The following GREB1L variants were observed in gnomAD, a reference collection of about 807,000 sequenced individuals.
GREB1L encodes the protein GREB1 like retinoic acid receptor coactivator.
In GREB1L, 17 loss-of-function variants were observed where a neutral mutation model predicts 200.8. The ratio of observed to expected loss-of-function variants is 0.08; its 90% CI spans 0.06 to 0.13. GREB1L has a LOEUF of 0.13. Among genes scored for constraint, GREB1L ranks in the 10% least tolerant of loss-of-function variants. The pLI is 1.00. For missense variants in GREB1L, 1,657 were observed against 2,367.7 expected, an observed-to-expected ratio of 0.70 and a Z score of 6.23; for synonymous variants, 789 against 893.0, an observed-to-expected ratio of 0.88 and a Z score of 2.08.
At chr18:21,426,969 A>AAC (rs1555644907) in intron 7 of GREB1L, among the ~76,000 whole-genome samples, 27 of 81,164 alleles carry the variant, frequency 3.3e-4, no homozygotes, top group African/African-American at 1.9e-3. Context: ...AAAAAAAAAA[A>AAC]AAACAAAAAA....
intron 25 of GREB1L, among the ~76,000 whole-genome samples, chr18:21,507,094 C>T (rs555864346): frequency 6.6e-6 from 1 of 152,214 alleles, no homozygotes; most frequent in East Asian, 1.9e-4. Flanking sequence ...ATCATTCTGC[C>T]CTTCTAATAC....
At chr18:21,517,369 C>CT (rs1204046981) in intron 30 of GREB1L, among the ~76,000 whole-genome samples, 1 of 151,916 alleles carries the variant, frequency 6.6e-6, no homozygotes, top group African/African-American at 2.4e-5. Context: ...TTTTTACCTT[C>CT]TTTTTTTGAG....
chr18:21,312,396 C>T (rs1033044523), intron 1 of GREB1L, among the ~76,000 whole-genome samples: 3 of 152,122 alleles, frequency 2.0e-5, no homozygotes, highest in African/African-American at 7.2e-5. Flanking sequence ...TTTCAGGAAT[C>T]GCCACACTGC....
At chr18:21,391,693 T>C (rs1000093141) in intron 4 of GREB1L, among the ~76,000 whole-genome samples, 3 of 152,224 alleles carry the variant, frequency 2.0e-5, no homozygotes, top group South Asian at 2.1e-4. Context: ...AAATGTCTCT[T>C]ATAATAGTGT....
rs769938231 is a variant in GREB1L, at chr18:21,259,744, G to A, written c.-120+17351G>A. Among the ~76,000 whole-genome samples the A allele has an allele frequency of 5.9e-5, 9 of 152,066 alleles. No homozygotes were observed. The Middle Eastern group carries it at 0.024, about 402-fold the overall frequency. On this transcript the variant is annotated intron_variant, in intron 1 of 32. Transcript: ENST00000424526. ...TTAACTTGTTCATGAGGCATCGAACGTATTATAAAATTTGAAATGGTATTG... is the reference window on the plus strand; with the variant it reads ...TTAACTTGTTCATGAGGCATCGAACATATTATAAAATTTGAAATGGTATTG...
chr18:21,243,596 T>C (rs2037544976), intron 1 of GREB1L, among the ~76,000 whole-genome samples: 1 of 152,186 alleles, frequency 6.6e-6, no homozygotes, highest in Admixed American at 6.5e-5. Flanking sequence ...TTGAACTCAG[T>C]CCCCCTTAAT....
chr18:21,281,370 T>G (rs1215867396), intron 1 of GREB1L, among the ~76,000 whole-genome samples: 2 of 152,334 alleles, frequency 1.3e-5, no homozygotes, highest in East Asian at 1.9e-4. Context: ...TTGTTGCTGT[T>G]TCATTTACTT....
At chr18:21,440,197 G>A (rs2033818562) in intron 8 of GREB1L, 72 bp from the exon 9 acceptor site, 3 of 1,446,244 alleles carry the variant, frequency 2.1e-6, no homozygotes, top group Admixed American at 2.0e-5. Context: ...TATTACTCTG[G>A]CGTTCTTTCC....
chr18:21,250,443 GC>G (rs2037684649), intron 1 of GREB1L, among the ~76,000 whole-genome samples: 1 of 152,138 alleles, frequency 6.6e-6, no homozygotes, highest in African/African-American at 2.4e-5. Context: ...AAAATGTTCT[GC>G]CATAGTCTGA....
intron 7 of GREB1L, among the ~76,000 whole-genome samples, chr18:21,432,934 T>C (rs1220261777): frequency 6.6e-6 from 1 of 152,058 alleles, no homozygotes; most frequent in Admixed American, 6.5e-5. Flanking sequence ...CTTGAACTCC[T>C]GACCTCAGGT....
At chr18:21,428,332 C>CTTTTTTTTTTTT (rs59982674) in intron 7 of GREB1L, among the ~76,000 whole-genome samples, 68 of 54,038 alleles carry the variant, frequency 1.3e-3, no homozygotes, top group Non-Finnish European at 1.8e-3. Context: ...GTCTTTTTGT[C>CTTTTTTTTTTTT]TTTTTTTTTT....
intron 1 of GREB1L, among the ~76,000 whole-genome samples, chr18:21,321,666 C>T (rs961381390): frequency 4.0e-5 from 6 of 151,832 alleles, no homozygotes; most frequent in South Asian, 2.1e-4. Context: ...CAAGCCTGGG[C>T]GACACAGTGA....
At chr18:21,324,552 C>T (rs1409536575) in intron 1 of GREB1L, among the ~76,000 whole-genome samples, 4 of 152,184 alleles carry the variant, frequency 2.6e-5, no homozygotes, top group Non-Finnish European at 5.9e-5. Flanking sequence ...TGGCTAATGC[C>T]TGTAATCCCA....
At chr18:21,319,540 A>G (rs1042147546) in intron 1 of GREB1L, among the ~76,000 whole-genome samples, 6 of 152,240 alleles carry the variant, frequency 3.9e-5, no homozygotes, top group African/African-American at 1.2e-4. Flanking sequence ...AGAATTTCCA[A>G]TTTTAGTTAC....
intron 17 of GREB1L, among the ~76,000 whole-genome samples, chr18:21,480,880 C>T (rs1361507040): frequency 2.6e-5 from 4 of 151,660 alleles, no homozygotes; most frequent in South Asian, 4.2e-4. Context: ...ATTAGCCAGG[C>T]GTGGTGGCGG....
chr18:21,428,832 C>T (rs2032881479), intron 7 of GREB1L, among the ~76,000 whole-genome samples: 1 of 150,250 alleles, frequency 6.7e-6, no homozygotes, highest in Non-Finnish European at 1.5e-5. Flanking sequence ...GTTCTTCTGC[C>T]TCAGCCTCCC....
chr18:21,374,808 A>G (rs1360970109), intron 2 of GREB1L, among the ~76,000 whole-genome samples: 2 of 151,606 alleles, frequency 1.3e-5, no homozygotes, highest in African/African-American at 4.8e-5. Context: ...GTACTTGAAA[A>G]TATATTTATA....
At chr18:21,274,372 C>T (rs2038127645) in intron 1 of GREB1L, among the ~76,000 whole-genome samples, 1 of 151,822 alleles carries the variant, frequency 6.6e-6, no homozygotes, top group South Asian at 2.1e-4. Context: ...ATAGCAAATA[C>T]CAAGTATATA....
chr18:21,444,495 C>A, intron 11 of GREB1L, 86 bp downstream of exon 11: 1 of 1,044,230 alleles, frequency 9.6e-7, no homozygotes, highest in Non-Finnish European at 1.4e-6. Flanking sequence ...CACATTTATC[C>A]TCCTATCTCT....
Sources: gnomAD v4.1 joint callset for allele counts (sites outside exome capture counted in the v4.1 genomes callset) on GRCh38, gnomAD v4.1.1 for gene constraint, MANE v1.5 for transcripts, NCBI Gene and HGNC (gene_info 2026-07-23, HGNC 2026-07-21) for gene names.